PTPRK: variants seen among roughly 807,000 people sequenced by gnomAD.
PTPRK encodes receptor-type tyrosine-protein phosphatase kappa.
Under a neutral mutation model 178.0 loss-of-function variants are expected in PTPRK, and 75 were observed. The ratio of observed to expected loss-of-function variants is 0.42; its 90% CI spans 0.35 to 0.51. PTPRK has a LOEUF of 0.51. PTPRK is among the 20% of genes least tolerant of loss of function. The pLI is 0.02. For missense variants in PTPRK, 1,441 were observed against 1,797.8 expected, an observed-to-expected ratio of 0.80 and a Z score of 3.59; for synonymous variants, 637 against 620.6, an observed-to-expected ratio of 1.03 and a Z score of -0.39.
intron 7 of PTPRK, among the ~76,000 whole-genome samples, chr6:128,174,062 T>C (rs1384708351): frequency 6.6e-6 from 1 of 152,002 alleles, no homozygotes; most frequent in African/African-American, 2.4e-5. Context: ...AGGTAAATTA[T>C]AGTGGTGGAC....
At position 128,178,242 on chromosome 6, in the gene PTPRK, T is replaced by A. The variant is rs146640513; in HGVS notation, c.1162+6190A>T. Among the ~76,000 whole-genome samples the A allele has an allele frequency of 2.7e-4, 41 of 152,026 alleles. 1 individual carries two copies. Among genetic ancestry groups the A allele is most frequent in the African/African-American group, 9.6e-4 (40 of 41,548 alleles). The stretch of plus-strand genomic sequence containing the variant: ...TGTATCATTTATTATATTTTTATTA[T>A]GGTTATAACACTAGCCTGTCAATTC... On this transcript the variant is annotated intron_variant, in intron 7 of 29. Coordinates refer to ENST00000368226, the MANE Select transcript of PTPRK (RefSeq NM_002844.4).
At chr6:128,301,507 G>T (rs1203089295) in intron 3 of PTPRK, among the ~76,000 whole-genome samples, 2 of 151,786 alleles carry the variant, frequency 1.3e-5, no homozygotes, top group African/African-American at 4.8e-5. Context: ...AATATTATTA[G>T]TTACGATAAT....
chr6:128,422,870 T>C (rs962576306), intron 1 of PTPRK, among the ~76,000 whole-genome samples: 3 of 152,176 alleles, frequency 2.0e-5, no homozygotes, highest in Non-Finnish European at 4.4e-5. Flanking sequence ...AAAATGGGCA[T>C]ACAGTCATCT....
At chr6:127,984,270 A>G (rs2114639300) in intron 22 of PTPRK, among the ~76,000 whole-genome samples, 1 of 152,236 alleles carries the variant, frequency 6.6e-6, no homozygotes, top group Middle Eastern at 3.4e-3. Context: ...AGCTCTCTCA[A>G]ACTAAACATT....
At chr6:128,440,123 T>G (rs1846091730) in intron 1 of PTPRK, among the ~76,000 whole-genome samples, 1 of 152,186 alleles carries the variant, frequency 6.6e-6, no homozygotes, top group African/African-American at 2.4e-5. Flanking sequence ...TGGGGCCAAC[T>G]GTAGGACTTG....
In PTPRK at chr6:128,053,306, T is replaced by G. The variant is rs190697049; in HGVS notation, c.2194+11452A>C. Among the ~76,000 whole-genome samples the G allele has an allele frequency of 2.0e-5, 3 of 152,066 alleles. No homozygotes were observed. The East Asian group carries it at 5.8e-4, about 29-fold the overall frequency. ...TTCCCTGTGCGGCTGTGCTCCTCACTCCATGCAGACTCAGGCAACCGGCAC... is the reference window on the plus strand; with the variant it reads ...TTCCCTGTGCGGCTGTGCTCCTCACGCCATGCAGACTCAGGCAACCGGCAC... On this transcript the variant is annotated intron_variant, in intron 13 of 29. Transcript: ENST00000368226.
intron 1 of PTPRK, among the ~76,000 whole-genome samples, chr6:128,477,076 A>T (rs550608768): frequency 2.1e-4 from 32 of 152,156 alleles, no homozygotes; most frequent in African/African-American, 7.5e-4. Flanking sequence ...AAGGATAAAA[A>T]TGTTTACCCA....
chr6:128,258,213 C>G (rs1313355979), intron 3 of PTPRK, among the ~76,000 whole-genome samples: 1 of 151,910 alleles, frequency 6.6e-6, no homozygotes. Flanking sequence ...CTATATTCTT[C>G]TATAAGAAAA....
chr6:128,420,874 G>A (rs1387631226), intron 1 of PTPRK, among the ~76,000 whole-genome samples: 1 of 152,114 alleles, frequency 6.6e-6, no homozygotes, highest in Non-Finnish European at 1.5e-5. Flanking sequence ...AAATTAAGTG[G>A]TTATTCTCAG....
rs1350472543 is a variant in PTPRK, at chr6:128,507,049, A to G, written c.100+13210T>C. Among the ~76,000 whole-genome samples the G allele has an allele frequency of 2.0e-5, 3 of 152,064 alleles. No homozygotes were observed. The East Asian group carries it at 5.8e-4, about 29-fold the overall frequency. ...GAATGGGTACTTTCCCATTTTGAAT[A>G]TGTGGAAACTGAAGGAAAGTGGTCA... On this transcript the variant is annotated intron_variant, in intron 1 of 29. Transcript: ENST00000368226.
At chr6:128,435,047 A>AGGAG (rs1379808978) in intron 1 of PTPRK, among the ~76,000 whole-genome samples, 1 of 29,446 alleles carries the variant, frequency 3.4e-5, no homozygotes, top group Non-Finnish European at 7.0e-5. Flanking sequence ...GCAGGAAGGC[A>AGGAG]GGAAGGAAGG....
At chr6:128,450,931 T>C (rs1847712909) in intron 1 of PTPRK, among the ~76,000 whole-genome samples, 1 of 152,152 alleles carries the variant, frequency 6.6e-6, no homozygotes, top group South Asian at 2.1e-4. Flanking sequence ...AGCCACTCTT[T>C]TCATGAAACG....
intron 1 of PTPRK, among the ~76,000 whole-genome samples, chr6:128,466,305 T>C (rs972075580): frequency 6.6e-6 from 1 of 152,240 alleles, no homozygotes; most frequent in Admixed American, 6.5e-5. Context: ...ATTTTACCTG[T>C]TAATTCATGT....
chr6:128,298,610 G>T (rs1368419589), intron 3 of PTPRK, among the ~76,000 whole-genome samples: 2 of 151,996 alleles, frequency 1.3e-5, no homozygotes, highest in African/African-American at 4.8e-5. Context: ...CAGAACAAAA[G>T]ACAAAAACCA....
rs561854905 is a variant in PTPRK at position 128,034,550 on chromosome 6, CA to C, written c.2195-25283del. Among the ~76,000 whole-genome samples the C allele has an allele frequency of 2.6e-4, 39 of 152,076 alleles. 1 individual carries two copies. In the East Asian group the frequency reaches 6.2e-3, roughly 24 times the overall value. Reference sequence around the variant, plus strand: ...AAATGTTTTGGTTTAGGGACTGATACAGGGGGAAAAAAATCAAAAGCAACAC... The same window carrying C: ...AAATGTTTTGGTTTAGGGACTGATACGGGGGAAAAAAATCAAAAGCAACAC... On this transcript the variant is annotated intron_variant, in intron 13 of 29. Coordinates refer to ENST00000368226, the MANE Select transcript of PTPRK (RefSeq NM_002844.4).
intron 1 of PTPRK, among the ~76,000 whole-genome samples, chr6:128,470,757 T>C (rs2128418159): frequency 6.6e-6 from 1 of 150,486 alleles, no homozygotes; most frequent in East Asian, 1.9e-4. Flanking sequence ...CTCTTTTTTT[T>C]TTTTTTTTTT....
intron 5 of PTPRK, among the ~76,000 whole-genome samples, chr6:128,223,950 A>G (rs911350359): frequency 1.3e-5 from 2 of 152,198 alleles, no homozygotes; most frequent in African/African-American, 2.4e-5. Context: ...CATCGTTCCA[A>G]TGGGCTAATA....
chr6:128,254,745 A>G (rs879321032), intron 3 of PTPRK, among the ~76,000 whole-genome samples: 29 of 152,284 alleles, frequency 1.9e-4, no homozygotes, highest in Non-Finnish European at 2.2e-4. Context: ...TAGTCAAAAA[A>G]AAAAGAAGGA....
At chr6:128,000,932 G>A (rs182706351) in intron 15 of PTPRK, among the ~76,000 whole-genome samples, 1 of 152,118 alleles carries the variant, frequency 6.6e-6, no homozygotes, top group East Asian at 1.9e-4. Context: ...TCTTACAGAT[G>A]ATTGTGTCCC....
Sources: allele counts gnomAD v4.1 joint callset (sites outside exome capture counted in the v4.1 genomes callset), GRCh38; gene constraint gnomAD v4.1.1; transcripts MANE v1.5; gene names NCBI Gene and HGNC (gene_info 2026-07-23, HGNC 2026-07-21).